Variants in PARD3 observed in about 807,000 individuals in gnomAD.
PARD3 encodes par-3 family cell polarity regulator.
A neutral mutation model predicts 155.4 loss-of-function variants in PARD3; 75 were observed. The observed-to-expected ratio is 0.48, with a 90% CI of 0.40 to 0.58. The LOEUF is 0.58. Ranked by LOEUF, PARD3 falls within the 20% of genes least tolerant of loss-of-function variation. The pLI, the probability that PARD3 is intolerant of heterozygous loss-of-function variation, is 0.00. For synonymous variants in PARD3, 576 were observed against 610.5 expected (o/e 0.94, Z 0.83); for missense variants, 1,642 against 1,721.7 (o/e 0.95, Z 0.82).
chr10:34,182,051 GA>G, intron 22 of PARD3, among the ~76,000 whole-genome samples: 1 of 152,296 alleles, frequency 6.6e-6, no homozygotes, highest in Non-Finnish European at 1.5e-5. Context: ...TACCGCTGAT[GA>G]AAAGCCAGAT....
intron 19 of PARD3, among the ~76,000 whole-genome samples, chr10:34,320,163 C>G (rs1958287866): frequency 1.3e-5 from 2 of 152,124 alleles, no homozygotes; most frequent in South Asian, 4.1e-4. Flanking sequence ...GTGACTTTAT[C>G]CTGACCAAAA....
intron 2 of PARD3, among the ~76,000 whole-genome samples, chr10:34,581,229 C>CTT (rs1564376327): frequency 4.2e-5 from 4 of 95,144 alleles, no homozygotes; most frequent in African/African-American, 1.8e-4. Context: ...TTTTCTTTTT[C>CTT]TTTTCTTTTT....
chr10:34,392,891 T>A (rs1349835356), intron 7 of PARD3, among the ~76,000 whole-genome samples: 1 of 152,144 alleles, frequency 6.6e-6, no homozygotes, highest in African/African-American at 2.4e-5. Context: ...AAAACCATCA[T>A]GGCAGCCATT....
intron 2 of PARD3, among the ~76,000 whole-genome samples, chr10:34,567,511 C>T (rs1373696882): frequency 6.6e-6 from 1 of 152,064 alleles, no homozygotes; most frequent in Non-Finnish European, 1.5e-5. Context: ...AGTCCTTTGG[C>T]GGCATTTTCT....
At chr10:34,656,631 C>T (rs536281861) in intron 2 of PARD3, among the ~76,000 whole-genome samples, 1 of 152,252 alleles carries the variant, frequency 6.6e-6, no homozygotes, top group South Asian at 2.1e-4. Flanking sequence ...CAGGTATTTC[C>T]AAAAGCTTCC....
intron 22 of PARD3, among the ~76,000 whole-genome samples, chr10:34,219,794 G>C (rs759178528): frequency 3.9e-5 from 6 of 152,074 alleles, no homozygotes; most frequent in Non-Finnish European, 8.8e-5. Context: ...TGATTTGCCT[G>C]GTACTAACTA....
At chr10:34,557,958 G>C (rs371230343) in intron 2 of PARD3, among the ~76,000 whole-genome samples, 7 of 149,306 alleles carry the variant, frequency 4.7e-5, no homozygotes, top group East Asian at 3.9e-4. Flanking sequence ...AAAAAAGAAA[G>C]AAAGAAAAAA....
rs975562346 is a variant in PARD3, at chr10:34,562,545, A to G, written c.223-45386T>C. On this transcript the variant is annotated intron_variant, in intron 2 of 24. Coordinates refer to ENST00000374788, the MANE Select transcript of PARD3 (RefSeq NM_001184785.2). ...CATGCAGGGTTACTCTACAGGCCCA[A>G]TCTGCTTTTCCATCTTCCAAGCTTC... is the stretch of plus-strand genomic sequence containing the variant. Among the ~76,000 whole-genome samples, 4 of 152,328 alleles carry G rather than the reference A, an allele frequency of 2.6e-5. No homozygotes were observed. In the South Asian group the frequency reaches 8.3e-4, roughly 32 times the overall value.
intron 22 of PARD3, among the ~76,000 whole-genome samples, chr10:34,150,328 C>G (rs1389245529): frequency 6.6e-6 from 1 of 152,138 alleles, no homozygotes; most frequent in Non-Finnish European, 1.5e-5. Context: ...GAAGATATAG[C>G]TTTGGCAGTC....
chr10:34,628,329 C>T (rs2092086134), intron 2 of PARD3, among the ~76,000 whole-genome samples: 2 of 152,184 alleles, frequency 1.3e-5, no homozygotes, highest in South Asian at 4.1e-4. Flanking sequence ...ACTCTGTGTA[C>T]ATATTAAGTA....
intron 22 of PARD3, among the ~76,000 whole-genome samples, chr10:34,250,771 TATA>T (rs66526538): frequency 0.39 from 59,481 of 151,836 alleles, 13,356 homozygotes; most frequent in Middle Eastern, 0.53. Flanking sequence ...TTAATTATCA[TATA>T]ATGATACAAG....
intron 20 of PARD3, among the ~76,000 whole-genome samples, chr10:34,309,798 A>C (rs1957608872): frequency 7.5e-6 from 1 of 134,088 alleles, no homozygotes; most frequent in African/African-American, 2.8e-5. Flanking sequence ...ATGATGCAGA[A>C]AGAATTATGA....
At chr10:34,696,658 G>A (rs781334548) in intron 1 of PARD3, among the ~76,000 whole-genome samples, 13 of 150,818 alleles carry the variant, frequency 8.6e-5, no homozygotes, top group Non-Finnish European at 1.6e-4. Context: ...ACTCTATTAT[G>A]ATAGGAACTG....
chr10:34,726,505 C>T (rs2094715498), intron 1 of PARD3, among the ~76,000 whole-genome samples: 1 of 151,538 alleles, frequency 6.6e-6, no homozygotes, highest in Non-Finnish European at 1.5e-5. Flanking sequence ...ATCGCTCGAG[C>T]CCAGGAGGCA....
At chr10:34,582,175 T>C (rs2087553338) in intron 2 of PARD3, among the ~76,000 whole-genome samples, 1 of 152,218 alleles carries the variant, frequency 6.6e-6, no homozygotes, top group African/African-American at 2.4e-5. Context: ...ACATTTGAAA[T>C]AAATAATAAC....
chr10:34,228,636 TATATG>T (rs1236436264), intron 22 of PARD3, among the ~76,000 whole-genome samples: 5 of 152,044 alleles, frequency 3.3e-5, no homozygotes, highest in African/African-American at 4.8e-5. Context: ...ACGGGTGAAT[TATATG>T]ATATGAACAT....
intron 2 of PARD3, among the ~76,000 whole-genome samples, chr10:34,559,103 A>G (rs987625410): frequency 6.6e-6 from 1 of 151,818 alleles, no homozygotes; most frequent in African/African-American, 2.4e-5. Context: ...ATGCCAAAGC[A>G]CTGTGACTTT....
intron 23 of PARD3, among the ~76,000 whole-genome samples, chr10:34,129,429 AGGCACAAGCCATT>A (rs1947468981): frequency 6.6e-6 from 1 of 152,218 alleles, no homozygotes; most frequent in South Asian, 2.1e-4. Context: ...CTGGGATTAC[AGGCACAAGCCATT>A]GTGCCTGGCC....
intron 1 of PARD3, among the ~76,000 whole-genome samples, chr10:34,791,817 GAGACACAGTC>G (rs1396426084): frequency 3.3e-5 from 5 of 151,220 alleles, no homozygotes; most frequent in Admixed American, 2.0e-4. Context: ...CCTAGCTAAG[GAGACACAGTC>G]AGACCCTGCC....
Sources: allele counts gnomAD v4.1 joint callset (sites outside exome capture counted in the v4.1 genomes callset), GRCh38; gene constraint gnomAD v4.1.1; transcripts MANE v1.5; gene names NCBI Gene and HGNC (gene_info 2026-07-23, HGNC 2026-07-21).